CAB39L: variants seen among roughly 807,000 people sequenced by gnomAD.
CAB39L encodes the protein calcium binding protein 39 like.
A neutral mutation model predicts 39.1 loss-of-function variants in CAB39L; 23 were observed. The ratio of observed to expected loss-of-function variants is 0.59; its 90% CI spans 0.42 to 0.83. CAB39L has a LOEUF of 0.83. Ranked by LOEUF, CAB39L falls within the 40% of genes least tolerant of loss-of-function variation. The pLI, the probability that CAB39L is intolerant of heterozygous loss-of-function variation, is 0.00. For synonymous variants in CAB39L, 126 were observed against 137.2 expected, an observed-to-expected ratio of 0.92 and a Z score of 0.57; for missense variants, 366 against 391.9, an observed-to-expected ratio of 0.93 and a Z score of 0.56.
chr13:49,317,051 C>T (rs1954177833), intron 10 of CAB39L, among the ~76,000 whole-genome samples: 1 of 152,184 alleles, frequency 6.6e-6, no homozygotes, highest in Non-Finnish European at 1.5e-5. Flanking sequence ...TGATTTTGGA[C>T]TTCTGGCCTC....
At chr13:49,376,701 A>G (rs1198984797) in intron 5 of CAB39L, among the ~76,000 whole-genome samples, 1 of 152,212 alleles carries the variant, frequency 6.6e-6, no homozygotes, top group East Asian at 1.9e-4. Context: ...CCTGGCATAT[A>G]GCAAGCATTC....
At chr13:49,354,943 C>A (rs1955446157) in intron 6 of CAB39L, among the ~76,000 whole-genome samples, 1 of 152,144 alleles carries the variant, frequency 6.6e-6, no homozygotes, top group Non-Finnish European at 1.5e-5. Context: ...GGGAAAATGA[C>A]TTTTGTGATT....
intron 6 of CAB39L, among the ~76,000 whole-genome samples, chr13:49,357,832 T>A (rs1201096239): frequency 1.3e-5 from 2 of 152,120 alleles, no homozygotes; most frequent in African/African-American, 4.8e-5. Context: ...ACATTCAAAC[T>A]CCCTAGTAGG....
Position 49,358,921 on chromosome 13 carries a change from AT to A in CAB39L, c.395+792del, listed in dbSNP as rs78220360. Among the ~76,000 whole-genome samples, 498 of 152,320 alleles carry A rather than the reference AT, an allele frequency of 3.3e-3. 6 individuals carry two copies. In the East Asian group the frequency reaches 0.039, roughly 12 times the overall value. On this transcript the variant is annotated intron_variant, in intron 6 of 10. Coordinates refer to ENST00000409308, the MANE Select transcript of CAB39L (RefSeq NM_001079670.3). Reference sequence around the variant, plus strand: ...GAACTGCTATTTATTGATATATCTGATTTTTAAACTATGTATTATTTTGATA... The same window carrying A: ...GAACTGCTATTTATTGATATATCTGATTTTAAACTATGTATTATTTTGATA...
intron 10 of CAB39L, among the ~76,000 whole-genome samples, chr13:49,319,416 C>CTAA (rs1459461829): frequency 3.3e-5 from 5 of 151,994 alleles, no homozygotes; most frequent in Non-Finnish European, 5.9e-5. Context: ...AGAAAGCAGA[C>CTAA]TAATGATCGC....
At chr13:49,331,203 T>C (rs1005038504) in intron 10 of CAB39L, among the ~76,000 whole-genome samples, 2 of 152,106 alleles carry the variant, frequency 1.3e-5, no homozygotes, top group African/African-American at 4.8e-5. Flanking sequence ...CAGTGGCTCA[T>C]GCCTGTAATC....
intron 10 of CAB39L, 115 bp from the exon 11 acceptor site, chr13:49,311,108 T>C: frequency 1.2e-6 from 1 of 824,430 alleles, no homozygotes; most frequent in East Asian, 2.4e-5. Flanking sequence ...GTGACTGATA[T>C]TATTAATGCG....
At chr13:49,328,753 T>C (rs1282600389) in intron 10 of CAB39L, among the ~76,000 whole-genome samples, 1 of 152,148 alleles carries the variant, frequency 6.6e-6, no homozygotes, top group Non-Finnish European at 1.5e-5. Flanking sequence ...GAGAACTGCT[T>C]GAGGCCGAGA....
chr13:49,433,774 T>A (rs533742164), intron 2 of CAB39L, among the ~76,000 whole-genome samples: 2 of 152,294 alleles, frequency 1.3e-5, no homozygotes, highest in Non-Finnish European at 2.9e-5. Flanking sequence ...GGGAAGGCTT[T>A]CCTGACTGAA....
At chr13:49,432,496 T>C (rs1036892892) in intron 3 of CAB39L, among the ~76,000 whole-genome samples, 4 of 152,226 alleles carry the variant, frequency 2.6e-5, no homozygotes, top group Non-Finnish European at 5.9e-5. Context: ...ATAGATCTCT[T>C]TCAGTTGTTT....
At chr13:49,344,956 T>A (rs922200271) in intron 7 of CAB39L, among the ~76,000 whole-genome samples, 2 of 152,194 alleles carry the variant, frequency 1.3e-5, no homozygotes, top group African/African-American at 4.8e-5. Context: ...AGTAGCCCTA[T>A]CTTATGGCAG....
chr13:49,367,354 A>G (rs922148113), intron 5 of CAB39L, among the ~76,000 whole-genome samples: 1 of 152,234 alleles, frequency 6.6e-6, no homozygotes, highest in African/African-American at 2.4e-5. Context: ...TAAAATAAAA[A>G]ATAGCAACAA....
At chr13:49,342,199 A>G (rs1308691927) in intron 8 of CAB39L, among the ~76,000 whole-genome samples, 1 of 152,180 alleles carries the variant, frequency 6.6e-6, no homozygotes, top group Non-Finnish European at 1.5e-5. Flanking sequence ...CTTGAGGACT[A>G]TTATTAATAT....
intron 5 of CAB39L, among the ~76,000 whole-genome samples, chr13:49,374,595 T>G (rs1956007682): frequency 1.3e-5 from 2 of 152,342 alleles, no homozygotes; most frequent in East Asian, 3.9e-4. Context: ...GAAGGGGAAC[T>G]TGCATAACTG....
intron 1 of CAB39L, among the ~76,000 whole-genome samples, chr13:49,435,512 T>C (rs1957395045): frequency 6.6e-6 from 1 of 152,234 alleles, no homozygotes; most frequent in South Asian, 2.1e-4. Flanking sequence ...GAACATCTTT[T>C]ATTTTTGAGA....
At chr13:49,373,749 T>C (rs59845889) in intron 5 of CAB39L, among the ~76,000 whole-genome samples, 8,791 of 146,814 alleles carry the variant, frequency 0.06, 576 homozygotes, top group African/African-American at 0.16. Flanking sequence ...ACAGTCCTCG[T>C]ACTCAAGGTA....
chr13:49,372,398 G>A (rs1955944347), intron 5 of CAB39L, among the ~76,000 whole-genome samples: 1 of 151,996 alleles, frequency 6.6e-6, no homozygotes, highest in Non-Finnish European at 1.5e-5. Flanking sequence ...CTCCAGTATT[G>A]TCCCTACCCC....
At chr13:49,376,413 T>C (rs1043855141) in intron 5 of CAB39L, among the ~76,000 whole-genome samples, 2 of 152,238 alleles carry the variant, frequency 1.3e-5, no homozygotes, top group Non-Finnish European at 2.9e-5. Flanking sequence ...GCTTTTGTTT[T>C]AGTTAGTCAG....
intron 6 of CAB39L, among the ~76,000 whole-genome samples, chr13:49,355,984 A>C (rs1305251131): frequency 1.3e-5 from 2 of 152,204 alleles, no homozygotes; most frequent in Non-Finnish European, 2.9e-5. Context: ...AGTATTCTCT[A>C]TAAAACTACT....
Sources: allele counts gnomAD v4.1 joint callset (sites outside exome capture counted in the v4.1 genomes callset), GRCh38; gene constraint gnomAD v4.1.1; transcripts MANE v1.5; gene names NCBI Gene and HGNC (gene_info 2026-07-23, HGNC 2026-07-21).